LINGO2: variants seen among roughly 807,000 people sequenced by gnomAD.
LINGO2 encodes leucine-rich repeat and immunoglobulin-like domain-containing nogo receptor-interacting protein 2.
A neutral mutation model predicts 30.6 loss-of-function variants in LINGO2; 14 were observed. That is an observed-to-expected ratio of 0.46 (90% CI 0.30 to 0.72). The LOEUF is 0.72. Ranked by LOEUF, LINGO2 falls within the 30% of genes least tolerant of loss-of-function variation. The pLI, the probability that LINGO2 is intolerant of heterozygous loss-of-function variation, is 0.07. For synonymous variants in LINGO2, 317 were observed against 288.5 expected (o/e 1.10, Z -1.00); for missense variants, 729 against 751.7 (o/e 0.97, Z 0.35).
the LINGO2 span, among the ~76,000 whole-genome samples, chr9:28,977,573 G>A: frequency 7.9e-5 from 12 of 152,040 alleles, no homozygotes; most frequent in African/African-American, 2.9e-4. Context: ...CAGTTTTGCT[G>A]CATTGCCCTG....
intron 1 of LINGO2, among the ~76,000 whole-genome samples, chr9:28,666,770 G>T (rs1828817528): frequency 6.6e-6 from 1 of 152,124 alleles, no homozygotes; most frequent in Non-Finnish European, 1.5e-5. Context: ...ACTGGATCTG[G>T]ATCTGGGATT....
chr9:28,957,435 A>G, the LINGO2 span, among the ~76,000 whole-genome samples: 2 of 152,160 alleles, frequency 1.3e-5, no homozygotes, highest in African/African-American at 4.8e-5. Context: ...TGCCTGAAGT[A>G]AGCATTAATG....
chr9:28,745,598 T>G, the LINGO2 span, among the ~76,000 whole-genome samples: 1 of 152,112 alleles, frequency 6.6e-6, no homozygotes, highest in Non-Finnish European at 1.5e-5. Context: ...TTCATCATTC[T>G]GGCAAGAATA....
chr9:28,000,890 C>G (rs976841863), intron 5 of LINGO2, among the ~76,000 whole-genome samples: 5 of 152,198 alleles, frequency 3.3e-5, no homozygotes, highest in Non-Finnish European at 7.3e-5. Context: ...AACATATTCC[C>G]ACCTGCCTAG....
chr9:28,442,532 G>C (rs1824241648), intron 2 of LINGO2, among the ~76,000 whole-genome samples: 1 of 151,774 alleles, frequency 6.6e-6, no homozygotes, highest in East Asian at 1.9e-4. Flanking sequence ...AACTTTTTTT[G>C]TTTCCTTCTT....
chr9:28,025,386 A>C (rs546315060), intron 4 of LINGO2, among the ~76,000 whole-genome samples: 5 of 152,168 alleles, frequency 3.3e-5, no homozygotes, highest in Non-Finnish European at 7.3e-5. Context: ...TGAAAATACT[A>C]TCTCTTTTGG....
intron 4 of LINGO2, among the ~76,000 whole-genome samples, chr9:28,077,121 A>G (rs528887748): frequency 6.6e-6 from 1 of 152,256 alleles, no homozygotes; most frequent in African/African-American, 2.4e-5. Flanking sequence ...AAACAAAAAC[A>G]TTTTGGCGAT....
At chr9:29,003,194 T>A in the LINGO2 span, among the ~76,000 whole-genome samples, 31 of 152,158 alleles carry the variant, frequency 2.0e-4, no homozygotes, top group African/African-American at 7.2e-4. Flanking sequence ...ACATCTAGCC[T>A]CCAGAACTGT....
At chr9:28,021,904 T>G (rs1019744265) in intron 4 of LINGO2, among the ~76,000 whole-genome samples, 16 of 152,078 alleles carry the variant, frequency 1.1e-4, no homozygotes, top group African/African-American at 3.9e-4. Flanking sequence ...AGTTGTGTTT[T>G]GTTTTTGTAT....
chr9:28,073,912 G>A (rs984225203), intron 4 of LINGO2, among the ~76,000 whole-genome samples: 4 of 152,214 alleles, frequency 2.6e-5, no homozygotes, highest in Admixed American at 6.5e-5. Flanking sequence ...TTTCTTGAAA[G>A]GGTGCTCTAC....
chr9:28,514,564 G>A (rs577426167), intron 1 of LINGO2, among the ~76,000 whole-genome samples: 4 of 152,288 alleles, frequency 2.6e-5, no homozygotes, highest in Admixed American at 2.0e-4. Context: ...ACCTAATCTA[G>A]AGCAAGGCCC....
the LINGO2 span, among the ~76,000 whole-genome samples, chr9:28,777,908 T>A: frequency 6.6e-6 from 1 of 152,328 alleles, no homozygotes; most frequent in East Asian, 1.9e-4. Flanking sequence ...TTTCTCTTTT[T>A]CTGACAGCAC....
rs10715487 is a variant in LINGO2 at position 28,315,009 on chromosome 9, C to CAA, written c.-245-19645_-245-19644dup. The stretch of plus-strand genomic sequence containing the variant: ...TGGGTGACAGAGCAAGACTACGTCT[C>CAA]AAAAAAAAAAAAAAAAGAAACAAAA... On this transcript the variant is annotated intron_variant, in intron 3 of 5. Coordinates refer to ENST00000379992, the Ensembl canonical transcript of LINGO2. Among the ~76,000 whole-genome samples the CAA allele has an allele frequency of 8.8e-4, 106 of 120,540 alleles. 1 individual carries two copies. The South Asian group carries it at 9.7e-3, about 11-fold the overall frequency. The allele number at this position is 120,540 out of a possible 152,430, so 79.1% of individuals were successfully genotyped here.
chr9:28,172,043 A>C (rs1435906097), intron 4 of LINGO2, among the ~76,000 whole-genome samples: 1 of 144,408 alleles, frequency 6.9e-6, no homozygotes. Flanking sequence ...ACAAAAAAAA[A>C]AACCCAGCAT....
chr9:28,806,926 T>C, the LINGO2 span, among the ~76,000 whole-genome samples: 1 of 152,006 alleles, frequency 6.6e-6, no homozygotes, highest in Non-Finnish European at 1.5e-5. Flanking sequence ...ATTGTTTCTA[T>C]ATTTAGGTAT....
chr9:28,995,876 A>G, the LINGO2 span, among the ~76,000 whole-genome samples: 4 of 114,498 alleles, frequency 3.5e-5, no homozygotes, highest in Non-Finnish European at 7.8e-5. Flanking sequence ...GTTGTGGGGT[A>G]GGGGGATGGG....
chr9:28,902,793 A>G, the LINGO2 span, among the ~76,000 whole-genome samples: 1 of 152,128 alleles, frequency 6.6e-6, no homozygotes, highest in Non-Finnish European at 1.5e-5. Flanking sequence ...ATGAGTCAAC[A>G]AATAAATTAA....
chr9:28,343,031 G>A (rs1819417915), intron 3 of LINGO2, among the ~76,000 whole-genome samples: 1 of 152,098 alleles, frequency 6.6e-6, no homozygotes, highest in African/African-American at 2.4e-5. Context: ...TTAAACATCT[G>A]CTCTAATCAA....
At chr9:28,876,797 C>T in the LINGO2 span, among the ~76,000 whole-genome samples, 6 of 152,190 alleles carry the variant, frequency 3.9e-5, no homozygotes, top group South Asian at 1.2e-3. Context: ...AATGGTAATT[C>T]TAGTTCTAGA....
Sources: allele counts gnomAD v4.1 joint callset (sites outside exome capture counted in the v4.1 genomes callset), GRCh38; gene constraint gnomAD v4.1.1; transcripts MANE v1.5; gene names NCBI Gene and HGNC (gene_info 2026-07-23, HGNC 2026-07-21).